LCLAT1: variants seen among roughly 807,000 people sequenced by gnomAD.
LCLAT1 encodes 1-AGP acyltransferase 8.
Under a neutral mutation model 30.7 loss-of-function variants are expected in LCLAT1, and 11 were observed. That is an observed-to-expected ratio of 0.36 (90% CI 0.23 to 0.59). The LOEUF (loss-of-function observed/expected upper bound fraction) is 0.59. Ranked by LOEUF, LCLAT1 falls within the 20% of genes least tolerant of loss-of-function variation. The probability of loss-of-function intolerance (pLI) is 0.77; values close to 1 mark genes in which losing one functional copy is unlikely to be tolerated. For missense variants in LCLAT1, 402 were observed against 458.6 expected (o/e 0.88, Z 1.13); for synonymous variants, 155 against 151.3 (o/e 1.02, Z -0.18).
intron 1 of LCLAT1, among the ~76,000 whole-genome samples, chr2:30,488,613 C>T (rs1007667734): frequency 6.6e-6 from 1 of 152,222 alleles, no homozygotes; most frequent in Non-Finnish European, 1.5e-5. Context: ...TAGATATTCT[C>T]TTTCGTTTTT....
intron 1 of LCLAT1, among the ~76,000 whole-genome samples, chr2:30,509,657 C>T (rs1302478917): frequency 6.6e-6 from 1 of 152,104 alleles, no homozygotes; most frequent in Admixed American, 6.5e-5. Flanking sequence ...CCTCTGCCTC[C>T]TGGGTTCAAA....
At chr2:30,488,203 C>T (rs1445371092) in intron 1 of LCLAT1, among the ~76,000 whole-genome samples, 4 of 152,086 alleles carry the variant, frequency 2.6e-5, no homozygotes, top group Non-Finnish European at 2.9e-5. Context: ...GAATTTTTTT[C>T]CAGTTAGGTC....
intron 5 of LCLAT1, among the ~76,000 whole-genome samples, chr2:30,636,280 C>T (rs1669019829): frequency 6.6e-6 from 1 of 152,074 alleles, no homozygotes; most frequent in African/African-American, 2.4e-5. Context: ...ATTCTCAGCA[C>T]CCAGGTGAAT....
chr2:30,525,782 C>T, intron 2 of LCLAT1, 27 bp downstream of exon 2: 1 of 1,610,362 alleles, frequency 6.2e-7, no homozygotes, highest in Non-Finnish European at 8.5e-7. Flanking sequence ...AGGAGACTGT[C>T]TGCTTGTACT....
intron 5 of LCLAT1, among the ~76,000 whole-genome samples, chr2:30,598,767 C>G (rs1204997000): frequency 2.0e-5 from 3 of 152,046 alleles, no homozygotes; most frequent in Non-Finnish European, 1.5e-5. Flanking sequence ...TGAGATCTTT[C>G]TAGCTTAGTG....
chr2:30,453,810 G>A (rs1041444735), intron 1 of LCLAT1, among the ~76,000 whole-genome samples: 1 of 152,132 alleles, frequency 6.6e-6, no homozygotes, highest in East Asian at 1.9e-4. Flanking sequence ...TTTTAATAAC[G>A]TGTGAGTGCC....
intron 3 of LCLAT1, among the ~76,000 whole-genome samples, chr2:30,552,926 C>T (rs1169375870): frequency 6.6e-6 from 1 of 152,140 alleles, no homozygotes; most frequent in African/African-American, 2.4e-5. Context: ...GCATCCACAT[C>T]GTTTATTCAG....
chr2:30,506,192 A>G (rs1684650986), intron 1 of LCLAT1, among the ~76,000 whole-genome samples: 2 of 152,110 alleles, frequency 1.3e-5, no homozygotes, highest in South Asian at 2.1e-4. Flanking sequence ...TGTTCCTAAG[A>G]AAGTATTATT....
intron 5 of LCLAT1, among the ~76,000 whole-genome samples, chr2:30,617,527 A>T (rs1177104132): frequency 6.6e-6 from 1 of 152,144 alleles, no homozygotes; most frequent in African/African-American, 2.4e-5. Flanking sequence ...TTGTATGGGC[A>T]TATATTTTCT....
intron 1 of LCLAT1, among the ~76,000 whole-genome samples, chr2:30,465,714 T>G (rs1336396260): frequency 6.6e-6 from 1 of 152,218 alleles, no homozygotes; most frequent in Non-Finnish European, 1.5e-5. Flanking sequence ...AATAGTAAAG[T>G]TAATAAGGAA....
intron 3 of LCLAT1, among the ~76,000 whole-genome samples, chr2:30,544,363 A>G (rs1558509538): frequency 6.6e-6 from 1 of 152,232 alleles, no homozygotes; most frequent in African/African-American, 2.4e-5. Context: ...TATTAAGAGA[A>G]AGATTCTTGA....
chr2:30,608,093 G>A (rs1667542807), intron 5 of LCLAT1, among the ~76,000 whole-genome samples: 1 of 151,908 alleles, frequency 6.6e-6, no homozygotes, highest in Non-Finnish European at 1.5e-5. Flanking sequence ...ACCCGAGGCA[G>A]GTGGATCACC....
chr2:30,600,814 A>G (rs1319160294), intron 5 of LCLAT1, among the ~76,000 whole-genome samples: 2 of 152,010 alleles, frequency 1.3e-5, no homozygotes, highest in Non-Finnish European at 2.9e-5. Flanking sequence ...GTTTCCTGAG[A>G]TTTGAATGTT....
At chr2:30,511,312 G>T (rs1475418352) in intron 1 of LCLAT1, among the ~76,000 whole-genome samples, 5 of 152,230 alleles carry the variant, frequency 3.3e-5, no homozygotes, top group African/African-American at 1.2e-4. Context: ...ACCGCGCCTG[G>T]CCTGTTTCTG....
At chr2:30,612,136 C>A (rs1027155879) in intron 5 of LCLAT1, among the ~76,000 whole-genome samples, 2 of 152,028 alleles carry the variant, frequency 1.3e-5, no homozygotes, top group Non-Finnish European at 2.9e-5. Context: ...TACAGTAATA[C>A]CTTAATTAAT....
chr2:30,586,540 A>G (rs4951995), intron 5 of LCLAT1, among the ~76,000 whole-genome samples: 19,334 of 152,224 alleles, frequency 0.13, 1,363 homozygotes, highest in South Asian at 0.23. Flanking sequence ...TTGTGACTTA[A>G]CTAATTATTT....
intron 1 of LCLAT1, among the ~76,000 whole-genome samples, chr2:30,478,828 G>T (rs918893285): frequency 1.3e-5 from 2 of 152,186 alleles, no homozygotes; most frequent in African/African-American, 4.8e-5. Flanking sequence ...ACTTGGTTTT[G>T]TATTGTCCAA....
At chr2:30,617,969 T>C (rs768454366) in intron 5 of LCLAT1, among the ~76,000 whole-genome samples, 11 of 152,176 alleles carry the variant, frequency 7.2e-5, no homozygotes, top group Non-Finnish European at 1.6e-4. Flanking sequence ...TACTGTCTTA[T>C]GAAGAGTAGA....
intron 2 of LCLAT1, among the ~76,000 whole-genome samples, chr2:30,526,102 A>G (rs1311771295): frequency 6.6e-6 from 1 of 152,092 alleles, no homozygotes. Context: ...GGAGGGCTGC[A>G]TGTATTTTGC....
Sources: allele counts gnomAD v4.1 joint callset (sites outside exome capture counted in the v4.1 genomes callset), GRCh38; gene constraint gnomAD v4.1.1; transcripts MANE v1.5; gene names NCBI Gene and HGNC (gene_info 2026-07-23, HGNC 2026-07-21).